The following SLX4IP variants were observed in gnomAD, a reference collection of about 807,000 sequenced individuals.
The protein encoded by SLX4IP is SLX4 interacting protein, also known as protein SLX4IP.
A neutral mutation model predicts 32.9 loss-of-function variants in SLX4IP; 34 were observed. The ratio of observed to expected loss-of-function variants is 1.03; its 90% confidence interval spans 0.79 to 1.38. The LOEUF is 1.38. SLX4IP is among the 40% of genes most tolerant of loss of function. The pLI is 0.00. For missense variants in SLX4IP, 444 were observed against 479.0 expected (o/e 0.93, Z 0.68); for synonymous variants, 172 against 171.7 (o/e 1.00, Z -0.01).
At position 10,518,481 on chromosome 20, in the gene SLX4IP, T is replaced by C. The variant is rs1260646393; in HGVS notation, c.28-37750T>C. ...TTCCTTCCTTTCCTTTCTTTTCCTT[T>C]CCTTTCCTTTTCCTTCCTTCCTTCC... is the stretch of plus-strand genomic sequence containing the variant. On this transcript the variant is annotated intron_variant, in intron 2 of 7. Transcript: ENST00000334534. Among the ~76,000 whole-genome samples the C allele has an allele frequency of 1.2e-3, 71 of 60,068 alleles. 1 individual carries two copies. The highest frequency in any genetic ancestry group is 2.5e-3 in the Non-Finnish European group (57 of 23,250). 39.4% of individuals were successfully genotyped at this position (60,068 alleles called of 152,430 possible).
rs201990578 is a variant in SLX4IP at position 10,518,490 on chromosome 20, TTTCCTTCCTTCCTTCCTTCC to T, written c.28-37698_28-37679del. 7.6e-3 allele frequency among the ~76,000 whole-genome samples: 501 copies of T among 65,884 alleles called. 10 individuals carry two copies. Among genetic ancestry groups the T allele is most frequent in the African/African-American group, 0.019 (402 of 20,974 alleles). 43.2% of individuals were successfully genotyped at this position (65,884 alleles called of 152,430 possible). Reference sequence around the variant, plus strand: ...TTCCTTTCTTTTCCTTTCCTTTCCTTTTCCTTCCTTCCTTCCTTCCTTCCTTCCTTCCTTCCTTCCTTCCT... The same window carrying T: ...TTCCTTTCTTTTCCTTTCCTTTCCTTTTCCTTCCTTCCTTCCTTCCTTCCT... On this transcript the variant is annotated intron_variant, in intron 2 of 7. Coordinates refer to ENST00000334534, the MANE Select transcript of SLX4IP (RefSeq NM_001009608.3).
At chr20:10,516,627 G>T (rs1044541510) in intron 2 of SLX4IP, among the ~76,000 whole-genome samples, 2 of 152,168 alleles carry the variant, frequency 1.3e-5, no homozygotes, top group Admixed American at 6.5e-5. Context: ...ATTAAGATGG[G>T]TCTAACACGG....
At chr20:10,616,261 C>T (rs546233961) in intron 6 of SLX4IP, among the ~76,000 whole-genome samples, 3 of 152,090 alleles carry the variant, frequency 2.0e-5, no homozygotes, top group Non-Finnish European at 4.4e-5. Flanking sequence ...AGGCTCTTCT[C>T]CAAGACCCAT....
At chr20:10,547,523 C>T (rs2066174371) in intron 2 of SLX4IP, among the ~76,000 whole-genome samples, 1 of 152,240 alleles carries the variant, frequency 6.6e-6, no homozygotes, top group Admixed American at 6.5e-5. Context: ...CCATTTGCAA[C>T]CAAGGAAGTT....
intron 4 of SLX4IP, among the ~76,000 whole-genome samples, chr20:10,574,467 A>G (rs2066500889): frequency 6.6e-6 from 1 of 152,126 alleles, no homozygotes; most frequent in South Asian, 2.1e-4. Context: ...CAAAGTTCAT[A>G]TTGCCTTTGT....
At chr20:10,534,428 G>A (rs185580102) in intron 2 of SLX4IP, among the ~76,000 whole-genome samples, 3 of 152,286 alleles carry the variant, frequency 2.0e-5, no homozygotes, top group African/African-American at 7.2e-5. Context: ...AGGAAAAATT[G>A]CAATCTTGAA....
chr20:10,549,329 A>G (rs1360871581), intron 2 of SLX4IP, among the ~76,000 whole-genome samples: 1 of 151,876 alleles, frequency 6.6e-6, no homozygotes, highest in Non-Finnish European at 1.5e-5. Context: ...GGGGCCCTAC[A>G]GTGGCATGGG....
intron 2 of SLX4IP, among the ~76,000 whole-genome samples, chr20:10,527,691 A>T (rs957009927): frequency 2.6e-5 from 4 of 151,898 alleles, no homozygotes; most frequent in African/African-American, 9.7e-5. Context: ...TTCATCTAAT[A>T]AGGAAGAATA....
intron 2 of SLX4IP, among the ~76,000 whole-genome samples, chr20:10,463,857 C>A (rs1183590513): frequency 1.3e-5 from 2 of 152,132 alleles, no homozygotes; most frequent in Non-Finnish European, 2.9e-5. Flanking sequence ...TCATAACTCA[C>A]TGCGGCCTTG....
At chr20:10,574,578 G>C (rs1355277474) in intron 4 of SLX4IP, among the ~76,000 whole-genome samples, 1 of 152,060 alleles carries the variant, frequency 6.6e-6, no homozygotes, top group Admixed American at 6.5e-5. Context: ...TTTACAACCA[G>C]ACTTTCGGCA....
intron 2 of SLX4IP, among the ~76,000 whole-genome samples, chr20:10,546,700 G>A (rs1568733768): frequency 6.6e-6 from 1 of 152,138 alleles, no homozygotes; most frequent in Non-Finnish European, 1.5e-5. Context: ...AACTTAACCT[G>A]TGTCTCAGAG....
Position 10,622,962 on chromosome 20 carries a change from G to C in SLX4IP, c.810G>C (p.Arg270Ser). 1 of 1,614,152 alleles carries C rather than the reference G, an allele frequency of 6.2e-7. No individual in the cohort carries two copies. ...GERLKTGLLS[R>S]SPVCSCESAS... The stretch of plus-strand genomic sequence containing the variant: ...GGTTAAAGACAGGGCTTCTAAGCAG[G>C]AGCCCCGTCTGTAGCTGTGAGTCAG... The change falls in exon 8 of 8, where the codon AGG becomes AGC. Residue 270 changes from arginine to serine, a missense_variant. Coordinates refer to ENST00000334534, the MANE Select transcript of SLX4IP (RefSeq NM_001009608.3).
intron 4 of SLX4IP, among the ~76,000 whole-genome samples, chr20:10,583,083 C>G (rs1461540605): frequency 6.6e-6 from 1 of 152,116 alleles, no homozygotes; most frequent in African/African-American, 2.4e-5. Context: ...CCCCACTTAT[C>G]TGTTGCCAGC....
intron 7 of SLX4IP, 147 bp from the exon 8 acceptor site, chr20:10,622,512 G>A (rs1413026641): frequency 1.0e-5 from 11 of 1,064,808 alleles, no homozygotes; most frequent in South Asian, 1.7e-5. Flanking sequence ...ACCTGTGGTG[G>A]GGAGTGTTTC....
At chr20:10,531,176 C>T (rs1262207456) in intron 2 of SLX4IP, among the ~76,000 whole-genome samples, 1 of 152,198 alleles carries the variant, frequency 6.6e-6, no homozygotes, top group Non-Finnish European at 1.5e-5. Flanking sequence ...CCACCCATCT[C>T]AGCTGTTAAG....
Position 10,550,504 on chromosome 20 carries a change from G to T in SLX4IP, c.28-5727G>T, listed in dbSNP as rs1020838229. ...AAATGTGCCCCTTCCCCTTCACCTCGAGATCACCTTGCTTGATCTCTTATT... is the reference window on the plus strand; with the variant it reads ...AAATGTGCCCCTTCCCCTTCACCTCTAGATCACCTTGCTTGATCTCTTATT... On this transcript the variant is annotated intron_variant, in intron 2 of 7. Transcript: ENST00000334534. 6.6e-5 allele frequency among the ~76,000 whole-genome samples: 10 copies of T among 152,008 alleles called. No homozygotes were observed. In the South Asian group the frequency reaches 1.0e-3, roughly 16 times the overall value.
intron 2 of SLX4IP, among the ~76,000 whole-genome samples, chr20:10,493,162 T>C (rs1456283152): frequency 6.6e-6 from 1 of 152,206 alleles, no homozygotes; most frequent in African/African-American, 2.4e-5. Flanking sequence ...CAACATTGCC[T>C]TGGCTACTCT....
intron 4 of SLX4IP, among the ~76,000 whole-genome samples, chr20:10,590,430 G>A (rs2066695155): frequency 6.6e-6 from 1 of 151,682 alleles, no homozygotes; most frequent in Non-Finnish European, 1.5e-5. Flanking sequence ...GCGCGATCTC[G>A]GCTCACTGCA....
intron 2 of SLX4IP, among the ~76,000 whole-genome samples, chr20:10,505,343 G>A (rs2065750286): frequency 6.6e-6 from 1 of 152,162 alleles, no homozygotes. Context: ...TATCTTGTCT[G>A]GACAGGGTGG....
Sources: gnomAD v4.1 joint callset for allele counts (sites outside exome capture counted in the v4.1 genomes callset) on GRCh38, gnomAD v4.1.1 for gene constraint, MANE v1.5 for transcripts, NCBI Gene and HGNC (gene_info 2026-07-23, HGNC 2026-07-21) for gene names.